The following ANO10 variants were observed in gnomAD, a reference collection of about 807,000 sequenced individuals.
ANO10 encodes anoctamin 10.
ANO10 carries 77 observed loss-of-function variants against 74.7 expected under a neutral mutation model. The observed-to-expected ratio is 1.03, with a 90% confidence interval of 0.86 to 1.25. The LOEUF (loss-of-function observed/expected upper bound fraction) is 1.25, where lower values mean the gene tolerates loss of function less well. ANO10 is among the 50% of genes most tolerant of loss of function. The pLI is 0.00. For synonymous variants in ANO10, 279 were observed against 284.9 expected (o/e 0.98, Z 0.21); for missense variants, 721 against 778.1 (o/e 0.93, Z 0.87).
At chr3:43,525,559 C>T (rs962166658) in intron 11 of ANO10, among the ~76,000 whole-genome samples, 2 of 152,304 alleles carry the variant, frequency 1.3e-5, no homozygotes, top group Admixed American at 6.5e-5. Flanking sequence ...GCACAGTTAA[C>T]CCCATGGTCA....
In ANO10 at chr3:43,577,267, G is replaced by A; in HGVS notation, c.593-6C>T. 6.2e-7 allele frequency: 1 copy of A among 1,612,730 alleles called. No individual in the cohort carries two copies. The highest frequency in any genetic ancestry group is 8.5e-7 in the Non-Finnish European group (1 of 1,179,088). ...AAAGTAGCCACGAATACTGTCTATAGTGGAAACAAAGAAAGAACATAAGTA... is the reference window on the plus strand; with the variant it reads ...AAAGTAGCCACGAATACTGTCTATAATGGAAACAAAGAAAGAACATAAGTA... On this transcript the variant is annotated splice_region_variant and splice_polypyrimidine_tract_variant and intron_variant, in intron 5 of 12. Transcript: ENST00000292246.
intron 11 of ANO10, among the ~76,000 whole-genome samples, chr3:43,498,700 T>C (rs957526455): frequency 1.3e-5 from 2 of 152,164 alleles, no homozygotes; most frequent in Admixed American, 1.3e-4. Context: ...CCTTTGTTTT[T>C]CAAAAAATAT....
chr3:43,523,073 A>T (rs1389018094), intron 11 of ANO10, among the ~76,000 whole-genome samples: 1 of 152,188 alleles, frequency 6.6e-6, no homozygotes, highest in African/African-American at 2.4e-5. Context: ...CACAGGAAAG[A>T]GGTTTATGTG....
chr3:43,678,709 T>C (rs1270627708), intron 1 of ANO10, among the ~76,000 whole-genome samples: 2 of 152,196 alleles, frequency 1.3e-5, no homozygotes, highest in Non-Finnish European at 2.9e-5. Context: ...AATAAACCCC[T>C]TCCTTCTTTA....
At chr3:43,485,892 C>T (rs1193308085) in intron 11 of ANO10, 9 of 249,372 alleles carry the variant, frequency 3.6e-5, no homozygotes, top group South Asian at 2.5e-4. Flanking sequence ...GCGTCCTCTC[C>T]GCGCTCACCG....
rs753406928 is a variant in ANO10, at chr3:43,561,220, C to T, written c.1476G>A (p.Leu492=). ...VILEKEMGTY[L]GTFDDYLELF... Reference sequence around the variant, plus strand: ...TTAATTCAGCAATATTCCAACTTACCAAATAAGTTCCCATTTCTTTTTCCA... The same window carrying T: ...TTAATTCAGCAATATTCCAACTTACTAAATAAGTTCCCATTTCTTTTTCCA... Residue 492 remains leucine, a splice_region_variant and synonymous_variant, in exon 9 of 13, where the codon TTG becomes TTA. Transcript: ENST00000292246. 4 of 1,613,952 alleles carry T rather than the reference C, an allele frequency of 2.5e-6. No individual in the cohort carries two copies. The highest frequency in any genetic ancestry group is 3.4e-6 in the Non-Finnish European group (4 of 1,179,856).
intron 11 of ANO10, among the ~76,000 whole-genome samples, chr3:43,538,074 C>T (rs544969092): frequency 9.9e-5 from 15 of 152,056 alleles, no homozygotes; most frequent in African/African-American, 3.4e-4. Flanking sequence ...TTCACCAAAC[C>T]CAAAATACAT....
At chr3:43,630,290 C>T (rs1012895834) in intron 1 of ANO10, among the ~76,000 whole-genome samples, 4 of 152,128 alleles carry the variant, frequency 2.6e-5, no homozygotes, top group Admixed American at 2.0e-4. Flanking sequence ...ATACTAAAAT[C>T]ATTTGTGAAT....
rs563673807 is a variant in ANO10, at chr3:43,427,422, A to C, written c.1914+5189T>G. Among the ~76,000 whole-genome samples, 46 of 152,336 alleles carry C rather than the reference A, an allele frequency of 3.0e-4. No individual in the cohort carries two copies. In the South Asian group the frequency reaches 8.1e-3, roughly 27 times the overall value. On this transcript the variant is annotated intron_variant, in intron 12 of 12. Transcript: ENST00000292246. ...GTTTTTCACAAGGGTTTACATGTAA[A>C]ATGCACAACCCTATTTAAGGACTGT...
chr3:43,473,776 T>C (rs2075959356), intron 11 of ANO10, among the ~76,000 whole-genome samples: 1 of 152,172 alleles, frequency 6.6e-6, no homozygotes, highest in Admixed American at 6.5e-5. Context: ...CAACATTGAA[T>C]AAATGAATGA....
intron 11 of ANO10, among the ~76,000 whole-genome samples, chr3:43,486,573 T>C (rs1309288516): frequency 6.8e-6 from 1 of 146,940 alleles, no homozygotes; most frequent in Non-Finnish European, 1.5e-5. Flanking sequence ...GAAGCAATTG[T>C]GAATGGGAGT....
At chr3:43,690,698 C>T in intron 1 of ANO10, 1 of 388,502 alleles carries the variant, frequency 2.6e-6, no homozygotes, top group East Asian at 3.9e-5. Flanking sequence ...GCTAAAACAC[C>T]TAACTCATTC....
intron 11 of ANO10, among the ~76,000 whole-genome samples, chr3:43,475,492 TC>T: frequency 6.6e-6 from 1 of 152,342 alleles, no homozygotes; most frequent in Non-Finnish European, 1.5e-5. Context: ...TTATCCACTC[TC>T]CCCAAATGGC....
intron 5 of ANO10, among the ~76,000 whole-genome samples, chr3:43,577,495 C>T (rs755044897): frequency 3.3e-5 from 5 of 152,130 alleles, no homozygotes; most frequent in South Asian, 2.1e-4. Flanking sequence ...GGGTGTGCTC[C>T]GCCAGGTGCC....
chr3:43,551,722 C>CT (rs1330912913), intron 10 of ANO10: 52 of 341,190 alleles, frequency 1.5e-4, no homozygotes, highest in African/African-American at 9.7e-4. Context: ...GCACAGATGT[C>CT]TATTTTATCT....
intron 1 of ANO10, among the ~76,000 whole-genome samples, chr3:43,661,787 CA>C (rs2083929907): frequency 6.6e-6 from 1 of 152,006 alleles, no homozygotes; most frequent in Admixed American, 6.6e-5. Flanking sequence ...TTTAAACCAA[CA>C]AAGATCAAAA....
chr3:43,637,286 G>A (rs1171596966), intron 1 of ANO10, among the ~76,000 whole-genome samples: 2 of 152,150 alleles, frequency 1.3e-5, no homozygotes, highest in Non-Finnish European at 2.9e-5. Context: ...TGGCCAACAT[G>A]GTGAAACCCG....
At chr3:43,391,202 AG>A (rs1229777719) in intron 12 of ANO10, among the ~76,000 whole-genome samples, 9 of 152,226 alleles carry the variant, frequency 5.9e-5, no homozygotes, top group Non-Finnish European at 8.8e-5. Context: ...TGATTTTGAA[AG>A]GTGAAGTGAT....
At chr3:43,537,611 C>CTA (rs1015830021) in intron 11 of ANO10, among the ~76,000 whole-genome samples, 2 of 139,958 alleles carry the variant, frequency 1.4e-5, no homozygotes, top group African/African-American at 5.3e-5. Context: ...ACTTTATAAA[C>CTA]CACACACACA....
Sources: allele counts gnomAD v4.1 joint callset (sites outside exome capture counted in the v4.1 genomes callset), GRCh38; gene constraint gnomAD v4.1.1; transcripts MANE v1.5; gene names NCBI Gene and HGNC (gene_info 2026-07-23, HGNC 2026-07-21).